ATAD2B: variants seen among roughly 807,000 people sequenced by gnomAD.
ATAD2B encodes the protein ATPase family AAA domain-containing protein 2B.
ATAD2B carries 40 observed loss-of-function variants against 167.6 expected under a neutral mutation model. That is an observed-to-expected ratio of 0.24 (90% CI 0.19 to 0.31). The LOEUF is 0.31. Ranked by LOEUF, ATAD2B falls within the 10% of genes least tolerant of loss-of-function variation. The pLI is 1.00. For synonymous variants in ATAD2B, 579 were observed against 596.5 expected (o/e 0.97, Z 0.43); for missense variants, 1,242 against 1,757.2 (o/e 0.71, Z 5.24).
rs1676153154 is a variant in ATAD2B at position 23,758,033 on chromosome 2, T to C, written c.3463A>G (p.Asn1155Asp). 6.2e-7 allele frequency: 1 copy of C among 1,608,574 alleles called. No homozygotes were observed. The highest frequency in any genetic ancestry group is 8.5e-7 in the Non-Finnish European group (1 of 1,178,604). The stretch of plus-strand genomic sequence containing the variant: ...TCTTCTTCATCTTTTTTTAAATTAT[T>C]AACTTTCCTTTTCTTAATAATTCCT... ...GKGIIKKRKV[N>D]NLKKDEEDTK... The change falls in exon 25 of 28, where the codon AAT becomes GAT. Residue 1155 changes from asparagine to aspartate, a missense_variant. Physicochemically the swap from Asn to Asp is conservative, Grantham distance 23. This residue lies in a region of ATAD2B where 204 missense variants were observed against 324.0 expected (regional missense o/e 0.63). Transcript: ENST00000238789.
intron 1 of ATAD2B, among the ~76,000 whole-genome samples, chr2:23,921,631 G>A (rs879932387): frequency 3.0e-4 from 46 of 152,260 alleles, no homozygotes; most frequent in Admixed American, 1.2e-3. Flanking sequence ...AACAGAATGC[G>A]TGTATATCTG....
chr2:23,799,077 A>G (rs536740884), intron 18 of ATAD2B, among the ~76,000 whole-genome samples: 1 of 152,322 alleles, frequency 6.6e-6, no homozygotes, highest in East Asian at 1.9e-4. Context: ...AAGCTGAATT[A>G]ATGTCCCTTA....
rs1694716276 is a variant in ATAD2B, at chr2:23,863,452, G to T, written c.1408C>A (p.Arg470=). The T allele has an allele frequency of 4.5e-6, 7 of 1,552,696 alleles. No homozygotes were observed. In the African/African-American group the frequency reaches 9.6e-5, roughly 21 times the overall value. Residue 470 remains arginine (R), a synonymous_variant, in exon 12 of 28, where the codon CGA becomes AGA. Transcript: ENST00000238789. ...QGDKKVAFFM[R]KGADCLSKWV... is the part of the protein sequence containing the mutation. ...TTGCTCAAACAATCTGCTCCTTTTC[G>T]CATAAAAAAAGCCACTTTTTTGTCT...
intron 18 of ATAD2B, among the ~76,000 whole-genome samples, chr2:23,801,228 A>AG (rs1683448253): frequency 6.6e-6 from 1 of 151,246 alleles, no homozygotes; most frequent in Non-Finnish European, 1.5e-5. Flanking sequence ...TATAAGCAAC[A>AG]GGAAAAAAAA....
At chr2:23,761,103 A>C (rs1317090486) in intron 24 of ATAD2B, among the ~76,000 whole-genome samples, 1 of 152,242 alleles carries the variant, frequency 6.6e-6, no homozygotes, top group Non-Finnish European at 1.5e-5. Context: ...AATGTAAAGA[A>C]TTTCAAAGTT....
Position 23,927,084 on chromosome 2 carries a change from G to A in ATAD2B, c.-314C>T, listed in dbSNP as rs1209550821. 22 of 304,314 alleles carry A rather than the reference G, an allele frequency of 7.2e-5. No homozygotes were observed. The highest frequency in any genetic ancestry group is 1.8e-5 in the Non-Finnish European group (3 of 164,602). 18.9% of individuals were successfully genotyped at this position (304,314 alleles called of 1,614,324 possible). The stretch of plus-strand genomic sequence containing the variant: ...CTTTCTCTCCCGTTCTCGCTCTCGA[G>A]CTCCGTGCGTCAAGGCTCCAGCGCC... On this transcript the variant is annotated 5_prime_UTR_variant, in exon 1 of 28. Transcript: ENST00000238789.
intron 2 of ATAD2B, among the ~76,000 whole-genome samples, chr2:23,894,909 G>A (rs1017656896): frequency 6.6e-6 from 1 of 152,150 alleles, no homozygotes; most frequent in South Asian, 2.1e-4. Context: ...ATTTTAGTAA[G>A]TACAGAGACC....
intron 18 of ATAD2B, among the ~76,000 whole-genome samples, chr2:23,806,538 T>C (rs1358721734): frequency 1.3e-5 from 2 of 152,202 alleles, no homozygotes; most frequent in African/African-American, 2.4e-5. Context: ...AGAATTCTCC[T>C]TGCTACTCTC....
chr2:23,769,255 A>G (rs182132838), intron 22 of ATAD2B, among the ~76,000 whole-genome samples: 7 of 152,270 alleles, frequency 4.6e-5, no homozygotes, highest in African/African-American at 1.4e-4. Context: ...CCTGACCAAC[A>G]TGGTGAAACC....
At chr2:23,923,742 T>C (rs905502637) in intron 1 of ATAD2B, among the ~76,000 whole-genome samples, 10 of 151,786 alleles carry the variant, frequency 6.6e-5, no homozygotes, top group Non-Finnish European at 1.2e-4. Flanking sequence ...CCTATGCATA[T>C]ACTACTTGGG....
chr2:23,870,140 G>A (rs1288187827), intron 8 of ATAD2B, among the ~76,000 whole-genome samples: 1 of 151,514 alleles, frequency 6.6e-6, no homozygotes, highest in Non-Finnish European at 1.5e-5. Context: ...CCGGGAGGCG[G>A]AGGTTGCAGT....
chr2:23,780,498 T>C (rs1025149278), intron 22 of ATAD2B, among the ~76,000 whole-genome samples: 2 of 152,210 alleles, frequency 1.3e-5, no homozygotes, highest in Non-Finnish European at 2.9e-5. Flanking sequence ...TGATTTATTA[T>C]GGTTGAAACT....
At chr2:23,811,533 T>C (rs1283804663) in intron 17 of ATAD2B, 1 of 151,938 alleles carries the variant, frequency 6.6e-6, no homozygotes, top group East Asian at 1.9e-4. Context: ...CACTCATAAG[T>C]GGGAGTTGAA....
intron 3 of ATAD2B, 27 bp downstream of exon 3, chr2:23,888,323 T>C: frequency 6.7e-7 from 1 of 1,492,596 alleles, no homozygotes; most frequent in Non-Finnish European, 9.2e-7. Flanking sequence ...ATTTTAAAAC[T>C]AACCAGTTTT....
At chr2:23,795,875 TC>T (rs1682533778) in intron 19 of ATAD2B, among the ~76,000 whole-genome samples, 1 of 146,960 alleles carries the variant, frequency 6.8e-6, no homozygotes, top group Non-Finnish European at 1.5e-5. Context: ...TGAGACTCCA[TC>T]TCAAAAAAAA....
chr2:23,821,484 T>C (rs1414746479), intron 16 of ATAD2B, among the ~76,000 whole-genome samples: 1 of 152,218 alleles, frequency 6.6e-6, no homozygotes, highest in East Asian at 1.9e-4. Context: ...CTGCCAAATT[T>C]AAGAAATCAG....
At chr2:23,700,715 C>A in the ATAD2B span, among the ~76,000 whole-genome samples, 1 of 152,154 alleles carries the variant, frequency 6.6e-6, no homozygotes, top group Non-Finnish European at 1.5e-5. The surrounding 1 kb of genome is among the most constrained non-coding windows in gnomAD (Gnocchi z 4.6). Flanking sequence ...GAAGTCTACA[C>A]CCACGGTCTC....
At chr2:23,791,852 A>C (rs893716513) in intron 19 of ATAD2B, among the ~76,000 whole-genome samples, 13 of 152,126 alleles carry the variant, frequency 8.5e-5, no homozygotes, top group African/African-American at 3.1e-4. Flanking sequence ...GGGTGTGCAA[A>C]TACCTGTTCA....
chr2:23,891,152 C>T (rs936113003), intron 2 of ATAD2B, among the ~76,000 whole-genome samples: 3 of 151,462 alleles, frequency 2.0e-5, no homozygotes, highest in Non-Finnish European at 4.4e-5. Flanking sequence ...TCCCGAGTAG[C>T]TGGGATTACA....
Sources: gnomAD v4.1 joint callset for allele counts (sites outside exome capture counted in the v4.1 genomes callset) on GRCh38, gnomAD v4.1.1 for gene constraint, gnomAD v4.1.1 regional missense constraint, Gnocchi (gnomAD v3.1) non-coding constraint, MANE v1.5 for transcripts, NCBI Gene and HGNC (gene_info 2026-07-23, HGNC 2026-07-21) for gene names.